The following ANO3 variants were observed in gnomAD, a reference collection of about 807,000 sequenced individuals.
ANO3 encodes the protein anoctamin-3.
Under a neutral mutation model 144.8 loss-of-function variants are expected in ANO3, and 99 were observed. The observed-to-expected ratio is 0.68, with a 90% CI of 0.58 to 0.81. The LOEUF is 0.81. Ranked by LOEUF, ANO3 falls within the 30% of genes least tolerant of loss-of-function variation. ANO3 has a pLI of 0.00. For synonymous variants in ANO3, 414 were observed against 392.6 expected (o/e 1.05, Z -0.64); for missense variants, 905 against 1,202.2 (o/e 0.75, Z 3.66).
chr11:26,513,215 T>C (rs1338597426), intron 5 of ANO3, among the ~76,000 whole-genome samples: 1 of 152,088 alleles, frequency 6.6e-6, no homozygotes, highest in African/African-American at 2.4e-5. Flanking sequence ...GCTGTGTAAG[T>C]CATTGAAGAA....
Position 26,404,951 on chromosome 11 carries a change from G to A in ANO3, c.47-36967G>A, listed in dbSNP as rs1036408628. 6.7e-4 allele frequency among the ~76,000 whole-genome samples: 98 copies of A among 146,774 alleles called. 1 individual carries two copies. Among genetic ancestry groups the A allele is most frequent in the East Asian group, 6.0e-4 (3 of 4,964 alleles). On this transcript the variant is annotated intron_variant, in intron 1 of 26. Transcript: ENST00000256737. ...TATATATATGTGTGTGTGTGTGTGT[G>A]TGTGTGTGTGTGTGTGTGTGTGTGT...
chr11:26,321,395 T>G (rs1854757621), intron 1 of ANO3, among the ~76,000 whole-genome samples: 1 of 152,048 alleles, frequency 6.6e-6, no homozygotes, highest in Non-Finnish European at 1.5e-5. Context: ...TTTTTGGCTC[T>G]TATATTAAGT....
At chr11:26,616,463 G>A (rs978058684) in intron 17 of ANO3, among the ~76,000 whole-genome samples, 1 of 107,582 alleles carries the variant, frequency 9.3e-6, no homozygotes, top group Non-Finnish European at 1.9e-5. Flanking sequence ...TTGGTAATTT[G>A]TTGCAAAGAC....
At chr11:26,315,271 T>C (rs1854595683) in intron 1 of ANO3, among the ~76,000 whole-genome samples, 1 of 152,192 alleles carries the variant, frequency 6.6e-6, no homozygotes, top group Non-Finnish European at 1.5e-5. Flanking sequence ...GTCCATCCTC[T>C]TTTTCTAGAC....
At chr11:26,332,106 A>C (rs1855060989), upstream of ANO3, 2 of 1,485,020 alleles carry the variant, frequency 1.3e-6, no homozygotes, top group Non-Finnish European at 1.8e-6. Flanking sequence ...TCCCATGACA[A>C]CGACACCGGC....
intron 1 of ANO3, among the ~76,000 whole-genome samples, chr11:26,243,167 C>G (rs1852698096): frequency 6.6e-6 from 1 of 152,074 alleles, no homozygotes; most frequent in African/African-American, 2.4e-5. Context: ...AATCTCTAAG[C>G]TAAAAAACAA....
At chr11:26,351,455 A>C (rs1323039744) in intron 1 of ANO3, among the ~76,000 whole-genome samples, 1 of 152,110 alleles carries the variant, frequency 6.6e-6, no homozygotes, top group Admixed American at 6.5e-5. Flanking sequence ...TTCTGTTAAA[A>C]GTTTTACTCT....
At chr11:26,536,251 G>C (rs1229087959) in intron 9 of ANO3, among the ~76,000 whole-genome samples, 1 of 151,100 alleles carries the variant, frequency 6.6e-6, no homozygotes. Flanking sequence ...CCCGGGAAGT[G>C]AAGGTTGCAG....
chr11:26,294,561 A>T (rs1287414626), intron 1 of ANO3, among the ~76,000 whole-genome samples: 1 of 152,156 alleles, frequency 6.6e-6, no homozygotes, highest in African/African-American at 2.4e-5. Context: ...CTGCTCTCCA[A>T]GTGAAGAAAC....
chr11:26,472,547 G>C (rs1859820503), intron 4 of ANO3, among the ~76,000 whole-genome samples: 1 of 151,904 alleles, frequency 6.6e-6, no homozygotes, highest in Admixed American at 6.6e-5. Flanking sequence ...GCACGTAATG[G>C]AGGTGTGTGC....
intron 4 of ANO3, among the ~76,000 whole-genome samples, chr11:26,466,749 G>T (rs191276145): frequency 6.6e-6 from 1 of 152,050 alleles, no homozygotes; most frequent in Admixed American, 6.6e-5. Flanking sequence ...AGAATCATGA[G>T]CCAAAGAGTT....
At chr11:26,548,221 A>G (rs1049881718) in intron 12 of ANO3, among the ~76,000 whole-genome samples, 1 of 152,014 alleles carries the variant, frequency 6.6e-6, no homozygotes, top group African/African-American at 2.4e-5. Flanking sequence ...ACAAAAGTCA[A>G]ACATATATCA....
At chr11:26,479,483 G>A (rs778080717) in intron 4 of ANO3, among the ~76,000 whole-genome samples, 6 of 152,134 alleles carry the variant, frequency 3.9e-5, no homozygotes, top group Non-Finnish European at 5.9e-5. Flanking sequence ...GAAGGCAAAT[G>A]AGGAGCAAAG....
chr11:26,639,171 C>G lies in ANO3; in HGVS notation c.2071C>G (p.Leu691Val). ...ECHPSGCLID[L>V]CLQMGVIMFL... ...TCATCCTAGTGGCTGTTTGATAGAC[C>G]TCTGCCTCCAGATGGGTGTCATCAT... is the stretch of plus-strand genomic sequence containing the variant. Residue 691 changes from leucine to valine, a missense_variant, in exon 21 of 27, where the codon CTC (leucine) becomes GTC (valine). Leu to Val is a conservative substitution (Grantham distance 32). Transcript: ENST00000256737. 2 of 1,613,204 alleles carry G rather than the reference C, an allele frequency of 1.2e-6. No homozygotes were observed. Among genetic ancestry groups the G allele is most frequent in the Non-Finnish European group, 1.7e-6 (2 of 1,179,326 alleles).
chr11:26,623,932 G>A (rs1403256778), intron 17 of ANO3, among the ~76,000 whole-genome samples: 1 of 151,968 alleles, frequency 6.6e-6, no homozygotes, highest in Non-Finnish European at 1.5e-5. Flanking sequence ...GACTACAGGC[G>A]CCCGCCAACG....
intron 1 of ANO3, among the ~76,000 whole-genome samples, chr11:26,301,851 G>A (rs1171052832): frequency 6.6e-6 from 1 of 152,166 alleles, no homozygotes; most frequent in Non-Finnish European, 1.5e-5. Flanking sequence ...AAAAGACAAG[G>A]AGGCTCAAAG....
At chr11:26,424,712 C>A (rs1036284421) in intron 1 of ANO3, among the ~76,000 whole-genome samples, 1 of 152,010 alleles carries the variant, frequency 6.6e-6, no homozygotes, top group Non-Finnish European at 1.5e-5. Flanking sequence ...TATTAGACCA[C>A]CTTACAAATG....
chr11:26,217,323 C>G (rs915886315), intron 1 of ANO3, among the ~76,000 whole-genome samples: 1 of 151,784 alleles, frequency 6.6e-6, no homozygotes, highest in Non-Finnish European at 1.5e-5. Flanking sequence ...TTTTTAAAAT[C>G]ATCCCCCCCA....
At chr11:26,212,992 A>G (rs1470646500) in intron 1 of ANO3, among the ~76,000 whole-genome samples, 1 of 152,100 alleles carries the variant, frequency 6.6e-6, no homozygotes, top group East Asian at 1.9e-4. Flanking sequence ...CAAATCAATA[A>G]ACGTAATCCA....
Sources: gnomAD v4.1 joint callset for allele counts (sites outside exome capture counted in the v4.1 genomes callset) on GRCh38, gnomAD v4.1.1 for gene constraint, MANE v1.5 for transcripts, NCBI Gene and HGNC (gene_info 2026-07-23, HGNC 2026-07-21) for gene names.